Variants in UGT1A7 observed in about 807,000 individuals in gnomAD.
UGT1A7 encodes the protein UDP glucuronosyltransferase family 1 member A7.
In UGT1A7, 33 loss-of-function variants were observed where a neutral mutation model predicts 45.6. The ratio of observed to expected loss-of-function variants is 0.72; its 90% CI spans 0.55 to 0.97. The LOEUF is 0.97. Among genes scored for constraint, UGT1A7 ranks in the 50% least tolerant of loss-of-function variants. The pLI is 0.00. For synonymous variants in UGT1A7, 274 were observed against 250.6 expected, an observed-to-expected ratio of 1.09 and a Z score of -0.88; for missense variants, 684 against 666.2, an observed-to-expected ratio of 1.03 and a Z score of -0.29.
At chr2:233,705,462 GAC>G (rs1373100771) in intron 1 of UGT1A7, among the ~76,000 whole-genome samples, 2 of 152,176 alleles carry the variant, frequency 1.3e-5, no homozygotes, top group African/African-American at 2.4e-5. Flanking sequence ...TTTTTTAGCA[GAC>G]ACACATGAGG....
Position 233,772,408 on chromosome 2 carries a change from A to C in UGT1A7, c.1442A>C (p.Tyr481Ser), listed in dbSNP as rs1700517999. 1 of 1,614,210 alleles carries C rather than the reference A, an allele frequency of 6.2e-7. No individual in the cohort carries two copies. Among genetic ancestry groups the C allele is most frequent in the Non-Finnish European group, 8.5e-7 (1 of 1,180,026 alleles). ...CCCGCAGCCCACGACCTCACCTGGT[A>C]CCAGTACCATTCCTTGGACGTGATT... is the stretch of plus-strand genomic sequence containing the variant. ...LRPAAHDLTWYQYHSLDVIGF... is the reference protein window; with the variant it reads ...LRPAAHDLTWSQYHSLDVIGF... Residue 481 changes from tyrosine (Y) to serine (S), a missense_variant, in exon 5 of 5, where the codon TAC becomes TCC. Physicochemically the swap from Tyr to Ser is moderately radical, Grantham distance 144 (BLOSUM62 -2). Transcript: ENST00000373426.
At chr2:233,768,876 G>A (rs747097900) in intron 4 of UGT1A7, among the ~76,000 whole-genome samples, 6 of 151,968 alleles carry the variant, frequency 3.9e-5, no homozygotes, top group Admixed American at 6.6e-5. Flanking sequence ...GAGCCAGCGC[G>A]TCTGACCTGG....
At chr2:233,734,724 C>T (rs548738202) in intron 1 of UGT1A7, among the ~76,000 whole-genome samples, 2 of 150,850 alleles carry the variant, frequency 1.3e-5, no homozygotes, top group East Asian at 4.1e-4. Flanking sequence ...TCTTTGTTCT[C>T]GTCGGTTTCA....
intron 1 of UGT1A7, chr2:233,743,916 T>A: frequency 7.3e-7 from 1 of 1,364,598 alleles, no homozygotes; most frequent in South Asian, 1.1e-5. Context: ...TAGTCCACCA[T>A]GCTGGATGGC....
intron 1 of UGT1A7, among the ~76,000 whole-genome samples, chr2:233,759,217 A>T (rs1421776019): frequency 1.3e-5 from 2 of 152,292 alleles, no homozygotes; most frequent in East Asian, 3.9e-4. Flanking sequence ...AGGTCCATTT[A>T]TGCAAATGAA....
intron 1 of UGT1A7, chr2:233,729,897 C>G: frequency 6.2e-7 from 1 of 1,613,908 alleles, no homozygotes; most frequent in Non-Finnish European, 8.5e-7. Context: ...TGTGGCTGTT[C>G]CGAGGGGACT....
intron 1 of UGT1A7, among the ~76,000 whole-genome samples, chr2:233,738,330 C>T (rs1690764718): frequency 6.6e-6 from 1 of 152,132 alleles, no homozygotes; most frequent in Admixed American, 6.5e-5. Context: ...TGGACTAATA[C>T]AGTAAATTGG....
Position 233,767,538 on chromosome 2 carries a change from C to A in UGT1A7, c.988-311C>A, listed in dbSNP as rs1409490941. 5.3e-5 allele frequency among the ~76,000 whole-genome samples: 8 copies of A among 152,212 alleles called. No homozygotes were observed. The East Asian group carries it at 1.5e-3, about 29-fold the overall frequency. On this transcript the variant is annotated intron_variant, in intron 2 of 4. Transcript: ENST00000373426. ...ACTGAATTTATGTCTTACATTTCTGCTCTTATAGTTCTGCATCCACTTGTT... is the reference window on the plus strand; with the variant it reads ...ACTGAATTTATGTCTTACATTTCTGATCTTATAGTTCTGCATCCACTTGTT...
intron 1 of UGT1A7, among the ~76,000 whole-genome samples, chr2:233,695,217 C>T (rs1474922395): frequency 6.6e-6 from 1 of 151,690 alleles, no homozygotes; most frequent in East Asian, 1.9e-4. Context: ...CCTCCACCTC[C>T]TGGGTTCAAG....
At chr2:233,724,321 C>A (rs1437047103) in intron 1 of UGT1A7, among the ~76,000 whole-genome samples, 7 of 146,642 alleles carry the variant, frequency 4.8e-5, no homozygotes, top group East Asian at 4.5e-4. Context: ...GACGGGGCGG[C>A]TGGCCAGGCG....
chr2:233,767,876 C>A lies in UGT1A7; in HGVS notation c.1015C>A (p.Pro339Thr), dbSNP rs773195449. ...TVLWRYTGTR[P>T]SNLANNTILV... ...CCTGTGGCGGTACACTGGAACCCGA[C>A]CATCGAATCTTGCGAACAACACGAT... The change falls in exon 3 of 5, where the codon CCA becomes ACA. Residue 339 changes from proline (P) to threonine (T), a missense_variant. Physicochemically the swap from Pro to Thr is conservative, Grantham distance 38 (BLOSUM62 -1). Transcript: ENST00000373426. 23 of 1,614,060 alleles carry A rather than the reference C, an allele frequency of 1.4e-5. No individual in the cohort carries two copies. The highest frequency in any genetic ancestry group is 1.8e-5 in the Non-Finnish European group (21 of 1,180,054).
At chr2:233,702,880 T>C (rs1399878885) in intron 1 of UGT1A7, among the ~76,000 whole-genome samples, 5 of 152,212 alleles carry the variant, frequency 3.3e-5, no homozygotes, top group Admixed American at 2.6e-4. Context: ...TTGAGGACTT[T>C]TGCATCATAT....
Position 233,681,955 on chromosome 2 carries a change from G to C in UGT1A7, c.18G>C (p.Trp6Cys). 3 of 1,613,914 alleles carry C rather than the reference G, an allele frequency of 1.9e-6. No individual in the cohort carries two copies. Among genetic ancestry groups the C allele is most frequent in the Non-Finnish European group, 2.5e-6 (3 of 1,179,862 alleles). The change falls in exon 1 of 5, where the codon TGG becomes TGC. Residue 6 changes from tryptophan (W) to cysteine (C), a missense_variant. Physicochemically the swap from Trp to Cys is radical, Grantham distance 215 (BLOSUM62 -2). Transcript: ENST00000373426. ...GTTCTCTGATGGCTCGTGCAGGGTGGACTGGCCTCCTTCCCCTATATGTGT... is the reference window on the plus strand; with the variant it reads ...GTTCTCTGATGGCTCGTGCAGGGTGCACTGGCCTCCTTCCCCTATATGTGT... MARAGWTGLLPLYVCL... is the reference protein window; with the variant it reads MARAGCTGLLPLYVCL...
At chr2:233,690,639 A>G (rs1436804379) in intron 1 of UGT1A7, 2 of 1,287,574 alleles carry the variant, frequency 1.6e-6, no homozygotes, top group East Asian at 1.1e-4. Flanking sequence ...ACCTGAGGAC[A>G]CCTTGACTCC....
intron 1 of UGT1A7, chr2:233,721,915 C>A: frequency 2.4e-6 from 1 of 417,320 alleles, no homozygotes; most frequent in East Asian, 6.7e-5. Context: ...CACACTGCTT[C>A]CATAAAGTGA....
intron 1 of UGT1A7, chr2:233,754,697 C>T (rs1559399199): frequency 1.4e-5 from 7 of 503,130 alleles, no homozygotes; most frequent in Admixed American, 1.2e-4. Flanking sequence ...CAGTGGAAGT[C>T]GACATGGACT....
At position 233,767,899 on chromosome 2, in the gene UGT1A7, G is replaced by T; in HGVS notation, c.1038G>T (p.Thr346=). Residue 346 remains threonine (T), a synonymous_variant, in exon 3 of 5, where the codon ACG becomes ACT. Transcript: ENST00000373426. The part of the protein sequence containing the change: ...GTRPSNLANN[T]ILVKWLPQND... ...GACCATCGAATCTTGCGAACAACAC[G>T]ATACTTGTTAAGTGGCTACCCCAAA... 1 of 1,614,142 alleles carries T rather than the reference G, an allele frequency of 6.2e-7. No individual in the cohort carries two copies. The highest frequency in any genetic ancestry group is 8.5e-7 in the Non-Finnish European group (1 of 1,180,040).
At chr2:233,770,192 A>G (rs1288564889) in intron 4 of UGT1A7, 1 of 152,232 alleles carries the variant, frequency 6.6e-6, no homozygotes, top group African/African-American at 2.4e-5. Context: ...ACTAACTTTC[A>G]TCTATTCATT....
chr2:233,760,943 A>G (rs1487587152), intron 1 of UGT1A7: 1 of 1,614,220 alleles, frequency 6.2e-7, no homozygotes, highest in South Asian at 1.1e-5. Context: ...GCCTTTTCAC[A>G]GAACTTTCTG....
Sources: gnomAD v4.1 joint callset for allele counts (sites outside exome capture counted in the v4.1 genomes callset) on GRCh38, gnomAD v4.1.1 for gene constraint, MANE v1.5 for transcripts, NCBI Gene and HGNC (gene_info 2026-07-23, HGNC 2026-07-21) for gene names.